The following CTTNBP2NL variants were observed in gnomAD, a reference collection of about 807,000 sequenced individuals.
The protein encoded by CTTNBP2NL is CTTNBP2 N-terminal-like protein.
In CTTNBP2NL, 16 loss-of-function variants were observed where a neutral mutation model predicts 32.5. The observed-to-expected ratio is 0.49, with a 90% CI of 0.33 to 0.75. The LOEUF is 0.75. CTTNBP2NL is among the 30% of genes least tolerant of loss of function. The probability of loss-of-function intolerance (pLI) is 0.02; values close to 1 mark genes in which losing one functional copy is unlikely to be tolerated. For synonymous variants in CTTNBP2NL, 298 were observed against 289.4 expected (o/e 1.03, Z -0.30); for missense variants, 645 against 756.0 (o/e 0.85, Z 1.72).
intron 3 of CTTNBP2NL, among the ~76,000 whole-genome samples, chr1:112,434,950 T>G (rs1396064104): frequency 6.6e-6 from 1 of 151,804 alleles, no homozygotes; most frequent in African/African-American, 2.4e-5. Flanking sequence ...CGAGACTAGC[T>G]TGGCCAACAT....
At chr1:112,393,923 C>G (rs187000100), upstream of CTTNBP2NL, among the ~76,000 whole-genome samples, 3 of 151,978 alleles carry the variant, frequency 2.0e-5, no homozygotes, top group Admixed American at 6.6e-5. Flanking sequence ...GAAAGGAGGA[C>G]CTGCCGGGCA....
chr1:112,437,856 G>A (rs1239677648), intron 3 of CTTNBP2NL, among the ~76,000 whole-genome samples: 3 of 152,106 alleles, frequency 2.0e-5, no homozygotes, highest in South Asian at 4.1e-4. Flanking sequence ...GATATTAGAC[G>A]TTTGTCAGAT....
rs3795821 is a variant in CTTNBP2NL at position 112,457,943 on chromosome 1, A to G, written c.*531A>G. ...TAATCCTCTTTTAATGTTTTAATAC[A>G]AGCTTTGTGTTCTGAAACAAGGCTG... is the stretch of plus-strand genomic sequence containing the variant. On this transcript the variant is annotated 3_prime_UTR_variant, in exon 6 of 6. Coordinates refer to ENST00000271277, the MANE Select transcript of CTTNBP2NL (RefSeq NM_018704.3). 32,062 of 153,842 alleles carry G rather than the reference A, an allele frequency of 0.21. 4,110 individuals carry two copies. The highest frequency in any genetic ancestry group is 0.55 in the East Asian group (2,848 of 5,166). The allele number at this position is 153,842 out of a possible 1,614,324, so 9.5% of individuals were successfully genotyped here.
intron 3 of CTTNBP2NL, among the ~76,000 whole-genome samples, chr1:112,432,926 C>T (rs889324039): frequency 5.3e-5 from 8 of 151,980 alleles, no homozygotes; most frequent in Admixed American, 6.6e-5. Context: ...TAAAAGTAAC[C>T]GCTAATGGCC....
Position 112,457,791 on chromosome 1 carries a change from T to G in CTTNBP2NL, c.*379T>G, listed in dbSNP as rs1650425778. On this transcript the variant is annotated 3_prime_UTR_variant, in exon 6 of 6. Coordinates refer to ENST00000271277, the MANE Select transcript of CTTNBP2NL (RefSeq NM_018704.3). ...GATTTTTATTCCAGATGAACATGTT[T>G]TAAAAGTGCCTGAAATATGACTGCC... is the stretch of plus-strand genomic sequence containing the variant. The G allele has an allele frequency of 6.0e-6, 1 of 166,304 alleles. No homozygotes were observed. The allele number at this position is 166,304 out of a possible 1,614,324, so 10.3% of individuals were successfully genotyped here. A position where few individuals can be genotyped will look rare whatever the true frequency, so the allele number is the denominator to read the frequency against.
In CTTNBP2NL at chr1:112,412,309, G is replaced by A. The variant is rs1181837040; in HGVS notation, c.-18G>A. The A allele has an allele frequency of 1.3e-5, 2 of 152,092 alleles. No individual in the cohort carries two copies. The highest frequency in any genetic ancestry group is 4.8e-5 in the African/African-American group (2 of 41,416). 9.4% of individuals were successfully genotyped at this position (152,092 alleles called of 1,614,324 possible). A position where few individuals can be genotyped will look rare whatever the true frequency, so the allele number is the denominator to read the frequency against. On this transcript the variant is annotated 5_prime_UTR_variant, in exon 2 of 6. Transcript: ENST00000271277. ...TTGAGGACTGAAGTGTGACTCTGCCGATTATCAGGTCAGTATCACCCCTAC... is the reference window on the plus strand; with the variant it reads ...TTGAGGACTGAAGTGTGACTCTGCCAATTATCAGGTCAGTATCACCCCTAC...
intron 1 of CTTNBP2NL, among the ~76,000 whole-genome samples, chr1:112,402,872 G>A (rs569953945): frequency 7.9e-5 from 12 of 152,088 alleles, no homozygotes; most frequent in Admixed American, 2.6e-4. Context: ...CTCTTAACAC[G>A]TTCCTCTTGG....
At chr1:112,399,850 C>A (rs939664007) in intron 1 of CTTNBP2NL, among the ~76,000 whole-genome samples, 2 of 152,102 alleles carry the variant, frequency 1.3e-5, no homozygotes, top group Admixed American at 1.3e-4. Context: ...AGGCAGATCA[C>A]CTGAGATCAG....
rs1650444696 is a variant in CTTNBP2NL at position 112,458,400 on chromosome 1, T to C, written c.*988T>C. ...GCTGCCAGAACCTGGTATCTGTATC[T>C]GTAAAACCAAATTAACTTTTGCTTA... On this transcript the variant is annotated 3_prime_UTR_variant, in exon 6 of 6. Coordinates refer to ENST00000271277, the MANE Select transcript of CTTNBP2NL (RefSeq NM_018704.3). The C allele has an allele frequency of 6.5e-6, 1 of 152,674 alleles. No individual in the cohort carries two copies. The highest frequency in any genetic ancestry group is 1.5e-5 in the Non-Finnish European group (1 of 68,046). 9.5% of individuals were successfully genotyped at this position (152,674 alleles called of 1,614,324 possible).
At chr1:112,450,962 G>T (rs957491423) in intron 4 of CTTNBP2NL, among the ~76,000 whole-genome samples, 4 of 151,972 alleles carry the variant, frequency 2.6e-5, no homozygotes, top group Admixed American at 6.6e-5. Flanking sequence ...CTCAGCTTAT[G>T]CCTGTCACCT....
intron 3 of CTTNBP2NL, among the ~76,000 whole-genome samples, chr1:112,426,927 G>A (rs35486186): frequency 6.6e-5 from 10 of 152,040 alleles, no homozygotes; most frequent in Non-Finnish European, 1.3e-4. Context: ...AAACTTAATA[G>A]TAATTTAAAA....
intron 1 of CTTNBP2NL, among the ~76,000 whole-genome samples, chr1:112,402,418 C>CA (rs928177980): frequency 2.0e-5 from 3 of 151,324 alleles, no homozygotes; most frequent in Non-Finnish European, 4.4e-5. Context: ...AACTCCATCT[C>CA]AAAAAAAAGA....
At chr1:112,416,509 T>TG (rs1649070186) in intron 3 of CTTNBP2NL, among the ~76,000 whole-genome samples, 1 of 151,738 alleles carries the variant, frequency 6.6e-6, no homozygotes, top group Non-Finnish European at 1.5e-5. Flanking sequence ...CATTCTTTTT[T>TG]TTTTTTTGAG....
intron 3 of CTTNBP2NL, among the ~76,000 whole-genome samples, chr1:112,426,561 G>T (rs1368476464): frequency 6.6e-6 from 1 of 150,422 alleles, no homozygotes; most frequent in Non-Finnish European, 1.5e-5. Flanking sequence ...GTAAAATTTT[G>T]CTGAGTAGAG....
intron 3 of CTTNBP2NL, among the ~76,000 whole-genome samples, chr1:112,438,247 A>G (rs1053452864): frequency 5.9e-5 from 9 of 152,142 alleles, no homozygotes; most frequent in Admixed American, 6.5e-5. Flanking sequence ...TTCTCATTGT[A>G]GAGATCTTTC....
At chr1:112,411,699 T>G (rs1648871743) in intron 1 of CTTNBP2NL, among the ~76,000 whole-genome samples, 1 of 151,954 alleles carries the variant, frequency 6.6e-6, no homozygotes, top group Non-Finnish European at 1.5e-5. Flanking sequence ...TTTTTTTTTT[T>G]TGAGATGGAG....
chr1:112,428,943 C>T (rs1446279420), intron 3 of CTTNBP2NL, among the ~76,000 whole-genome samples: 2 of 152,052 alleles, frequency 1.3e-5, no homozygotes, highest in Non-Finnish European at 2.9e-5. Context: ...CTTGCCAGAT[C>T]CTGAGACTGG....
At chr1:112,400,246 C>T (rs919681146) in intron 1 of CTTNBP2NL, among the ~76,000 whole-genome samples, 1 of 152,178 alleles carries the variant, frequency 6.6e-6, no homozygotes, top group African/African-American at 2.4e-5. Context: ...AGGTTCAAAT[C>T]CCAACTGTGC....
intron 4 of CTTNBP2NL, 96 bp downstream of exon 4, chr1:112,449,268 A>T (rs1650149128): frequency 1.5e-6 from 1 of 679,234 alleles, no homozygotes; most frequent in South Asian, 2.0e-5. Context: ...ACAGTAATTC[A>T]ATTGGGACAT....
Sources: gnomAD v4.1 joint callset for allele counts (sites outside exome capture counted in the v4.1 genomes callset) on GRCh38, gnomAD v4.1.1 for gene constraint, MANE v1.5 for transcripts, NCBI Gene and HGNC (gene_info 2026-07-23, HGNC 2026-07-21) for gene names.